Variants in GALNTL6 observed in about 807,000 individuals in gnomAD.
GALNTL6 encodes the protein polypeptide N-acetylgalactosaminyltransferase-like 6.
In GALNTL6, 46 loss-of-function variants were observed where a neutral mutation model predicts 73.7. The ratio of observed to expected loss-of-function variants is 0.62; its 90% CI spans 0.49 to 0.80. The LOEUF is 0.80. GALNTL6 is among the 30% of genes least tolerant of loss of function. The pLI is 0.00. For missense variants in GALNTL6, 604 were observed against 755.0 expected, an observed-to-expected ratio of 0.80 and a Z score of 2.34; for synonymous variants, 259 against 263.7, an observed-to-expected ratio of 0.98 and a Z score of 0.17.
intron 2 of GALNTL6, among the ~76,000 whole-genome samples, chr4:172,028,100 G>T (rs906908785): frequency 6.6e-6 from 1 of 152,058 alleles, no homozygotes; most frequent in African/African-American, 2.4e-5. Context: ...GATTGTATTG[G>T]AAGAAGTGGC....
chr4:172,825,063 T>C (rs1398133599), intron 7 of GALNTL6, among the ~76,000 whole-genome samples: 11 of 149,082 alleles, frequency 7.4e-5, no homozygotes, highest in African/African-American at 2.7e-4. Context: ...TTTCTTTTTT[T>C]TTTTTTTGGT....
At chr4:172,153,212 A>G (rs934852789) in intron 2 of GALNTL6, among the ~76,000 whole-genome samples, 3 of 152,202 alleles carry the variant, frequency 2.0e-5, no homozygotes, top group African/African-American at 7.2e-5. Flanking sequence ...TGGAAAGAAG[A>G]GCGGAAACTC....
At chr4:172,654,498 A>C (rs1049755013) in intron 5 of GALNTL6, among the ~76,000 whole-genome samples, 1 of 152,210 alleles carries the variant, frequency 6.6e-6, no homozygotes, top group African/African-American at 2.4e-5. Flanking sequence ...TAGGTCAAAA[A>C]TCATTGTAAT....
intron 5 of GALNTL6, among the ~76,000 whole-genome samples, chr4:172,726,915 A>G (rs1054631266): frequency 2.0e-5 from 3 of 152,198 alleles, no homozygotes; most frequent in African/African-American, 7.2e-5. Flanking sequence ...GGTCATCTTC[A>G]TTAATGATTA....
intron 5 of GALNTL6, among the ~76,000 whole-genome samples, chr4:172,617,433 G>A (rs1045044804): frequency 6.7e-6 from 1 of 149,578 alleles, no homozygotes; most frequent in Non-Finnish European, 1.5e-5. Flanking sequence ...AAAAGAAAAT[G>A]CATGTTAACT....
At chr4:172,838,363 G>A (rs1282434570) in intron 7 of GALNTL6, among the ~76,000 whole-genome samples, 2 of 152,218 alleles carry the variant, frequency 1.3e-5, no homozygotes, top group Admixed American at 6.5e-5. Context: ...GGTGGGCGGA[G>A]TCCAGACACG....
rs185344183 is a variant in GALNTL6 at position 172,823,504 on chromosome 4, T to C, written c.923+9781T>C. On this transcript the variant is annotated intron_variant, in intron 7 of 12. Coordinates refer to ENST00000506823, the MANE Select transcript of GALNTL6 (RefSeq NM_001034845.3). The stretch of plus-strand genomic sequence containing the variant: ...TGAATGGATGAAATAAATATTAAGA[T>C]TGGAAGAAGTGGTCAGATAAGGTTG... Among the ~76,000 whole-genome samples the C allele has an allele frequency of 7.6e-4, 116 of 152,272 alleles. No homozygotes were observed. The Middle Eastern group carries it at 0.014, about 18-fold the overall frequency.
chr4:172,372,554 T>C (rs1448457719), intron 5 of GALNTL6, among the ~76,000 whole-genome samples: 1 of 152,198 alleles, frequency 6.6e-6, no homozygotes, highest in Non-Finnish European at 1.5e-5. Flanking sequence ...CTTACTTAGG[T>C]ATGCCACTGG....
At chr4:172,371,711 GTCTCTTTC>G (rs1044810472) in intron 5 of GALNTL6, among the ~76,000 whole-genome samples, 2 of 151,000 alleles carry the variant, frequency 1.3e-5, no homozygotes, top group Non-Finnish European at 3.0e-5. Flanking sequence ...TTGACTTTCT[GTCTCTTTC>G]TCTCTTTCCT....
chr4:172,538,918 G>C (rs1451059448), intron 5 of GALNTL6, among the ~76,000 whole-genome samples: 1 of 152,166 alleles, frequency 6.6e-6, no homozygotes, highest in Non-Finnish European at 1.5e-5. Flanking sequence ...AGAATTAGAA[G>C]TGTAATCCAA....
chr4:173,032,668 A>T (rs1561097991), intron 12 of GALNTL6, among the ~76,000 whole-genome samples: 2 of 152,166 alleles, frequency 1.3e-5, no homozygotes, highest in Non-Finnish European at 2.9e-5. Flanking sequence ...CTGGGCAACA[A>T]AGTGAGACCC....
chr4:172,849,968 G>A (rs533562707), intron 7 of GALNTL6, among the ~76,000 whole-genome samples: 13 of 152,262 alleles, frequency 8.5e-5, no homozygotes, highest in Non-Finnish European at 1.3e-4. Flanking sequence ...GGAAAGGTGC[G>A]ACCTCCTAAA....
rs1579097531 is a variant in GALNTL6 at position 172,465,732 on chromosome 4, T to C, written c.553+117043T>C. Among the ~76,000 whole-genome samples, 5 of 152,296 alleles carry C rather than the reference T, an allele frequency of 3.3e-5. 1 individual carries two copies. The highest frequency in any genetic ancestry group is 3.3e-4 in the Admixed American group (5 of 15,298). ...ACATACCTGGTCTTTGTTATATAAA[T>C]GTTCTGTCCTGAGTTTGAGAAGATC... On this transcript the variant is annotated intron_variant, in intron 5 of 12. Coordinates refer to ENST00000506823, the MANE Select transcript of GALNTL6 (RefSeq NM_001034845.3).
At chr4:172,525,132 C>CA (rs1734909514) in intron 5 of GALNTL6, among the ~76,000 whole-genome samples, 1 of 152,020 alleles carries the variant, frequency 6.6e-6, no homozygotes, top group Admixed American at 6.6e-5. Flanking sequence ...TCCTTTGTAC[C>CA]AAAAGCACAC....
chr4:172,370,134 G>A (rs1457344835), intron 5 of GALNTL6, among the ~76,000 whole-genome samples: 4 of 152,206 alleles, frequency 2.6e-5, no homozygotes, highest in Non-Finnish European at 5.9e-5. Flanking sequence ...CAGTTGTAGT[G>A]TCCTCCAGAG....
At chr4:171,866,066 A>G (rs1578923369) in intron 2 of GALNTL6, among the ~76,000 whole-genome samples, 1 of 152,216 alleles carries the variant, frequency 6.6e-6, no homozygotes, top group African/African-American at 2.4e-5. Context: ...AATAGAAAAT[A>G]AAGGACCCTA....
At chr4:171,959,294 A>C (rs1276997976) in intron 2 of GALNTL6, among the ~76,000 whole-genome samples, 1 of 152,146 alleles carries the variant, frequency 6.6e-6, no homozygotes, top group Non-Finnish European at 1.5e-5. Flanking sequence ...TTTGTGAATT[A>C]ATCATTAGGC....
At chr4:172,457,416 G>A (rs1732438478) in intron 5 of GALNTL6, among the ~76,000 whole-genome samples, 1 of 152,138 alleles carries the variant, frequency 6.6e-6, no homozygotes, top group African/African-American at 2.4e-5. Context: ...ACACAGACTG[G>A]AAAATTGTAT....
At chr4:172,761,669 TTCTCTCTCTC>T (rs33989573) in intron 5 of GALNTL6, among the ~76,000 whole-genome samples, 1 of 147,176 alleles carries the variant, frequency 6.8e-6, no homozygotes, top group Non-Finnish European at 1.5e-5. Flanking sequence ...CTTGCTCTCT[TTCTCTCTCTC>T]TCTCTCTCTC....
Sources: gnomAD v4.1 joint callset for allele counts (sites outside exome capture counted in the v4.1 genomes callset) on GRCh38, gnomAD v4.1.1 for gene constraint, MANE v1.5 for transcripts, NCBI Gene and HGNC (gene_info 2026-07-23, HGNC 2026-07-21) for gene names.